FBN1: variants seen among roughly 807,000 people sequenced by gnomAD.
FBN1 encodes the protein fibrillin-1.
FBN1 carries 29 observed loss-of-function variants against 365.1 expected under a neutral mutation model. That is an observed-to-expected ratio of 0.08 (90% confidence interval 0.06 to 0.11). FBN1 has a LOEUF of 0.11. Ranked by LOEUF, FBN1 falls within the 10% of genes least tolerant of loss-of-function variation. FBN1 has a pLI of 1.00. For synonymous variants in FBN1, 1,210 were observed against 1,270.5 expected (o/e 0.95, Z 1.01); for missense variants, 2,476 against 3,703.2 (o/e 0.67, Z 8.60).
At chr15:48,460,502 GA>G (rs551188793) in intron 42 of FBN1, among the ~76,000 whole-genome samples, 185 bp from the exon 43 acceptor site, 1 of 152,092 alleles carries the variant, frequency 6.6e-6, no homozygotes, top group African/African-American at 2.4e-5. Context: ...AAATATTGAA[GA>G]AAAAAATGAC....
chr15:48,491,056 G>T (rs540840134), intron 24 of FBN1, among the ~76,000 whole-genome samples: 1 of 152,224 alleles, frequency 6.6e-6, no homozygotes, highest in African/African-American at 2.4e-5. Context: ...CCCATATTAA[G>T]ATAAATTATT....
rs1060501079 is a variant in FBN1, at chr15:48,596,327, C to T, written c.494G>A (p.Arg165Gln). 8.1e-6 allele frequency: 13 copies of T among 1,613,896 alleles called. No individual in the cohort carries two copies. Among genetic ancestry groups the T allele is most frequent in the Admixed American group, 5.0e-5 (3 of 60,008 alleles). ...AGTAAATCCGTAAGTGCATGCACAT[C>T]GATTTGGGGCCACACACCTTCCTCC... is the stretch of plus-strand genomic sequence containing the variant. ...LNGGRCVAPN[R>Q]CACTYGFTGP... is the part of the protein sequence containing the mutation. Residue 165 changes from arginine (R) to glutamine (Q), a missense_variant, in exon 6 of 66, where the codon CGA becomes CAA. Arg to Gln is a conservative substitution (Grantham distance 43). This residue lies in a region of FBN1 where 421 missense variants were observed against 520.1 expected (regional missense o/e 0.81). Transcript: ENST00000316623.
intron 2 of FBN1, among the ~76,000 whole-genome samples, chr15:48,617,930 T>A (rs892964892): frequency 2.0e-5 from 3 of 152,196 alleles, no homozygotes; most frequent in Non-Finnish European, 4.4e-5. Context: ...AAGGTTAAGG[T>A]AATAAAAACA....
rs1034850475 is a variant in FBN1 at position 48,409,788 on chromosome 15, G to C, written c.*1202C>G. 1.3e-5 allele frequency: 2 copies of C among 152,108 alleles called. No individual in the cohort carries two copies. The highest frequency in any genetic ancestry group is 1.3e-4 in the Admixed American group (2 of 15,258). 9.4% of individuals were successfully genotyped at this position (152,108 alleles called of 1,614,324 possible). Reference sequence around the variant, plus strand: ...GACAATGACTGAACTTGGTATTTAAGACTATTTAAAAGTCACAAGATGAAT... The same window carrying C: ...GACAATGACTGAACTTGGTATTTAACACTATTTAAAAGTCACAAGATGAAT... On this transcript the variant is annotated 3_prime_UTR_variant, in exon 66 of 66. Coordinates refer to ENST00000316623, the MANE Select transcript of FBN1 (RefSeq NM_000138.5).
At chr15:48,503,445 C>T (rs932257883) in intron 17 of FBN1, among the ~76,000 whole-genome samples, 4 of 152,124 alleles carry the variant, frequency 2.6e-5, no homozygotes, top group Non-Finnish European at 4.4e-5. Context: ...TTTACTTTTA[C>T]GCTGTGTAAA....
In FBN1 at chr15:48,424,718, G is replaced by A. The variant is rs186698581; in HGVS notation, c.7453+651C>T. Reference sequence around the variant, plus strand: ...AATTATTGTTAAGTATGACTCACTAGTGCTATTCACTAAATATAATGTTCT... The same window carrying A: ...AATTATTGTTAAGTATGACTCACTAATGCTATTCACTAAATATAATGTTCT... On this transcript the variant is annotated intron_variant, in intron 60 of 65. Transcript: ENST00000316623. 3.3e-3 allele frequency among the ~76,000 whole-genome samples: 500 copies of A among 152,236 alleles called. 3 individuals are homozygous for A. The highest frequency in any genetic ancestry group is 7.2e-3 in the Admixed American group (110 of 15,290).
intron 62 of FBN1, 34 bp downstream of exon 62, chr15:48,421,524 C>T: frequency 1.9e-6 from 3 of 1,607,176 alleles, no homozygotes; most frequent in Non-Finnish European, 2.5e-6. Flanking sequence ...CACAAGGATT[C>T]ACCAGCTGGA....
intron 2 of FBN1, 99 bp downstream of exon 2, chr15:48,644,507 C>A: frequency 6.4e-7 from 1 of 1,571,374 alleles, no homozygotes; most frequent in Non-Finnish European, 8.7e-7. Flanking sequence ...CCCAGGAGGT[C>A]TTGCCAAGGA....
intron 15 of FBN1, among the ~76,000 whole-genome samples, chr15:48,506,224 C>T (rs2043706448): frequency 6.6e-6 from 1 of 151,598 alleles, no homozygotes; most frequent in South Asian, 2.1e-4. Flanking sequence ...GAGACTGTGT[C>T]TTAGAAAAAA....
chr15:48,532,073 C>T (rs1218803751), intron 8 of FBN1, among the ~76,000 whole-genome samples: 1 of 152,162 alleles, frequency 6.6e-6, no homozygotes, highest in African/African-American at 2.4e-5. Flanking sequence ...GGTTTCTTAG[C>T]ATCAATAAAA....
intron 2 of FBN1, among the ~76,000 whole-genome samples, chr15:48,624,192 T>C (rs1889827354): frequency 6.6e-6 from 1 of 152,264 alleles, no homozygotes; most frequent in Non-Finnish European, 1.5e-5. Flanking sequence ...AATTGAACCA[T>C]GAAGACCAGA....
At chr15:48,641,265 C>CT (rs1890191854) in intron 2 of FBN1, 1 of 151,382 alleles carries the variant, frequency 6.6e-6, no homozygotes, top group African/African-American at 2.4e-5. Context: ...TAAATTTCCA[C>CT]TGTGGAACAA....
intron 42 of FBN1, among the ~76,000 whole-genome samples, chr15:48,462,129 G>C (rs1373056768): frequency 6.6e-6 from 1 of 152,166 alleles, no homozygotes; most frequent in Non-Finnish European, 1.5e-5. Context: ...ATGTCAGGTA[G>C]TACCAAACAA....
intron 16 of FBN1, 101 bp downstream of exon 16, chr15:48,504,924 A>C: frequency 6.7e-7 from 1 of 1,482,008 alleles, no homozygotes; most frequent in Non-Finnish European, 9.4e-7. Flanking sequence ...AATATTCTTT[A>C]TATCTTATCT....
At chr15:48,462,044 T>G (rs2043283284) in intron 42 of FBN1, among the ~76,000 whole-genome samples, 1 of 152,216 alleles carries the variant, frequency 6.6e-6, no homozygotes, top group Non-Finnish European at 1.5e-5. Context: ...TAAGTGGTGG[T>G]TATTATATTA....
chr15:48,421,755 A>C, intron 61 of FBN1, 69 bp from the exon 62 acceptor site: 1 of 1,567,878 alleles, frequency 6.4e-7, no homozygotes, highest in East Asian at 2.3e-5. Context: ...ATTTAAAAGA[A>C]AATTAGAAGG....
intron 36 of FBN1, 67 bp from the exon 37 acceptor site, chr15:48,468,601 A>G (rs1457277209): frequency 6.4e-7 from 1 of 1,559,692 alleles, no homozygotes; most frequent in Non-Finnish European, 8.8e-7. Flanking sequence ...ACCATAAAAG[A>G]ACAGGGCCCA....
intron 10 of FBN1, 28 bp downstream of exon 10, chr15:48,520,618 CTGGGATGGGATAT>C: frequency 6.2e-7 from 1 of 1,611,560 alleles, no homozygotes; most frequent in Non-Finnish European, 8.5e-7. Context: ...CTTGTGAGGG[CTGGGATGGGATAT>C]TCTGCAGATA....
chr15:48,480,674 A>T (rs2043458891), intron 32 of FBN1, among the ~76,000 whole-genome samples: 1 of 152,174 alleles, frequency 6.6e-6, no homozygotes, highest in African/African-American at 2.4e-5. Flanking sequence ...TTCTTGAAAT[A>T]TGTTGATATA....
Sources: gnomAD v4.1 joint callset for allele counts (sites outside exome capture counted in the v4.1 genomes callset) on GRCh38, gnomAD v4.1.1 for gene constraint, gnomAD v4.1.1 regional missense constraint, MANE v1.5 for transcripts, NCBI Gene and HGNC (gene_info 2026-07-23, HGNC 2026-07-21) for gene names.